Variants in NR6A1 observed in about 807,000 individuals in gnomAD.
The protein encoded by NR6A1 is nuclear receptor subfamily 6 group A member 1.
Under a neutral mutation model 59.1 loss-of-function variants are expected in NR6A1, and 7 were observed. The observed-to-expected ratio is 0.12, with a 90% confidence interval of 0.07 to 0.22. The LOEUF (loss-of-function observed/expected upper bound fraction) is 0.22. Among genes scored for constraint, NR6A1 ranks in the 10% least tolerant of loss-of-function variants. The probability of loss-of-function intolerance (pLI) is 1.00; values close to 1 mark genes in which losing one functional copy is unlikely to be tolerated. For synonymous variants in NR6A1, 243 were observed against 236.1 expected (o/e 1.03, Z -0.27); for missense variants, 468 against 611.6 (o/e 0.77, Z 2.48).
chr9:124,729,264 T>C (rs1292802959), intron 2 of NR6A1, among the ~76,000 whole-genome samples: 9 of 152,230 alleles, frequency 5.9e-5, no homozygotes, highest in Admixed American at 2.6e-4. Flanking sequence ...ATAAGCATCA[T>C]TTACAGTTTG....
At position 124,568,880 on chromosome 9, in the gene NR6A1, G is replaced by A. The variant is rs543231286; in HGVS notation, c.143-14310C>T. Among the ~76,000 whole-genome samples, 59 of 151,960 alleles carry A rather than the reference G, an allele frequency of 3.9e-4. 2 individuals carry two copies. The highest frequency in any genetic ancestry group is 1.2e-3 in the African/African-American group (51 of 41,234). On this transcript the variant is annotated intron_variant, in intron 2 of 9. Coordinates refer to ENST00000487099, the MANE Select transcript of NR6A1 (RefSeq NM_033334.4). ...TGTAATCCCAGCACTTTGGGAGGCC[G>A]AGGCGGGCGGGTCACGAGGTCAGGA...
chr9:124,761,227 C>G (rs1042464361), intron 1 of NR6A1, among the ~76,000 whole-genome samples: 7 of 152,154 alleles, frequency 4.6e-5, no homozygotes, highest in African/African-American at 1.7e-4. Flanking sequence ...GCTGCAATCC[C>G]CACAAAACAC....
intron 2 of NR6A1, among the ~76,000 whole-genome samples, chr9:124,707,115 C>G (rs2131062517): frequency 6.6e-6 from 1 of 151,864 alleles, no homozygotes; most frequent in Non-Finnish European, 1.5e-5. Context: ...TTCTCTCATT[C>G]TTCTCCTCCC....
At chr9:124,551,173 T>C (rs1237643055) in intron 3 of NR6A1, among the ~76,000 whole-genome samples, 1 of 152,150 alleles carries the variant, frequency 6.6e-6, no homozygotes, top group African/African-American at 2.4e-5. Context: ...TTCATTGATA[T>C]TTGGAAGCCA....
chr9:124,662,501 G>A (rs931768663), intron 2 of NR6A1, among the ~76,000 whole-genome samples: 1 of 152,134 alleles, frequency 6.6e-6, no homozygotes, highest in Non-Finnish European at 1.5e-5. Context: ...AAAGTATCTA[G>A]TAAGGTGCCA....
chr9:124,647,956 A>G (rs1564217540), intron 2 of NR6A1, among the ~76,000 whole-genome samples: 1 of 152,158 alleles, frequency 6.6e-6, no homozygotes, highest in Non-Finnish European at 1.5e-5. Flanking sequence ...AACTCATTCT[A>G]AAAGGCCATC....
At chr9:124,664,472 A>G (rs1249315540) in intron 2 of NR6A1, among the ~76,000 whole-genome samples, 3 of 152,186 alleles carry the variant, frequency 2.0e-5, no homozygotes, top group Non-Finnish European at 2.9e-5. Context: ...AAAGCTAAAG[A>G]ACAGACAGCA....
chr9:124,577,029 C>G (rs554300314), intron 2 of NR6A1, among the ~76,000 whole-genome samples: 2 of 152,272 alleles, frequency 1.3e-5, no homozygotes, highest in East Asian at 3.9e-4. Context: ...ACATTCCAGC[C>G]TGGGGAACAG....
intron 2 of NR6A1, among the ~76,000 whole-genome samples, chr9:124,689,903 T>G (rs1177039364): frequency 6.6e-6 from 1 of 152,190 alleles, no homozygotes; most frequent in African/African-American, 2.4e-5. Context: ...ATCAGTTATA[T>G]TTACGTGTAG....
At position 124,539,970 on chromosome 9, in the gene NR6A1, C is replaced by T. The variant is rs567249741; in HGVS notation, c.596+63G>A. ...GCAGGGATACTCAGCCAGAGGTTTTCTGTAGCTCTCCCTTTGGTGGGGGAT... is the reference window on the plus strand; with the variant it reads ...GCAGGGATACTCAGCCAGAGGTTTTTTGTAGCTCTCCCTTTGGTGGGGGAT... On this transcript the variant is annotated intron_variant, in intron 5 of 9. Transcript: ENST00000487099. 14 of 1,528,122 alleles carry T rather than the reference C, an allele frequency of 9.2e-6. No homozygotes were observed. The Admixed American group carries it at 1.8e-4, about 19-fold the overall frequency. The allele number at this position is 1,528,122 out of a possible 1,614,324, so 94.7% of individuals were successfully genotyped here. A position where few individuals can be genotyped will look rare whatever the true frequency, so the allele number is the denominator to read the frequency against.
At chr9:124,573,261 G>A (rs1834495574) in intron 2 of NR6A1, among the ~76,000 whole-genome samples, 1 of 152,134 alleles carries the variant, frequency 6.6e-6, no homozygotes, top group South Asian at 2.1e-4. Flanking sequence ...TCTCCTACAT[G>A]GGTAAAATTT....
chr9:124,715,802 G>A (rs1434982361), intron 2 of NR6A1, among the ~76,000 whole-genome samples: 2 of 152,178 alleles, frequency 1.3e-5, no homozygotes, highest in African/African-American at 4.8e-5. Context: ...TTCAAGATCT[G>A]TTATAAAGTT....
Position 124,521,636 on chromosome 9 carries a change from G to T in NR6A1, c.*1069C>A, listed in dbSNP as rs901055064. The T allele has an allele frequency of 6.6e-6, 1 of 152,226 alleles. No individual in the cohort carries two copies. The highest frequency in any genetic ancestry group is 2.4e-5 in the African/African-American group (1 of 41,432). 9.4% of individuals were successfully genotyped at this position (152,226 alleles called of 1,614,324 possible). ...GGTGCGGTAGGAAGGGGAGGGGAGA[G>T]GAACAGATTTCAAAAGGGGAGTGTC... On this transcript the variant is annotated 3_prime_UTR_variant, in exon 10 of 10. Transcript: ENST00000487099.
At chr9:124,536,211 A>C in intron 6 of NR6A1, 79 bp from the exon 7 acceptor site, 1 of 1,483,632 alleles carries the variant, frequency 6.7e-7, no homozygotes, top group Non-Finnish European at 9.1e-7. Flanking sequence ...GGTAGTCCCA[A>C]GGGCACAAAG....
intron 2 of NR6A1, among the ~76,000 whole-genome samples, chr9:124,724,699 T>A (rs769843520): frequency 4.3e-4 from 65 of 152,362 alleles, no homozygotes; most frequent in South Asian, 1.7e-3. Flanking sequence ...ACAGTATTTC[T>A]GAAATAGATA....
chr9:124,759,994 C>A (rs1420025858), intron 1 of NR6A1, among the ~76,000 whole-genome samples: 1 of 150,866 alleles, frequency 6.6e-6, no homozygotes, highest in South Asian at 2.1e-4. Flanking sequence ...GAGCCAAGAT[C>A]GCACCACTGC....
intron 2 of NR6A1, among the ~76,000 whole-genome samples, chr9:124,658,129 T>C (rs1304598002): frequency 6.6e-6 from 1 of 152,192 alleles, no homozygotes; most frequent in Non-Finnish European, 1.5e-5. Context: ...GAAAGACTAG[T>C]ATTTCTTCTG....
chr9:124,711,187 TAAAAAAAAAAAAAAAA>T (rs58609931), intron 2 of NR6A1, among the ~76,000 whole-genome samples: 3 of 66,494 alleles, frequency 4.5e-5, no homozygotes, highest in Non-Finnish European at 8.6e-5. Context: ...AGCTAAGGTT[TAAAAAAAAAAAAAAAA>T]AAAAAAAAAA....
rs577437866 is a variant in NR6A1 at position 124,735,757 on chromosome 9, A to G, written c.101-2408T>C. On this transcript the variant is annotated intron_variant, in intron 1 of 9. Transcript: ENST00000487099. Reference sequence around the variant, plus strand: ...TAAAATATCATAAAGTAAGTCTCACAGTTCTGGAGCCGTGAAGTCCAAGAT... The same window carrying G: ...TAAAATATCATAAAGTAAGTCTCACGGTTCTGGAGCCGTGAAGTCCAAGAT... Among the ~76,000 whole-genome samples the G allele has an allele frequency of 6.0e-4, 91 of 152,344 alleles. 1 individual carries two copies. In the South Asian group the frequency reaches 0.018, roughly 30 times the overall value.
Sources: allele counts gnomAD v4.1 joint callset (sites outside exome capture counted in the v4.1 genomes callset), GRCh38; gene constraint gnomAD v4.1.1; transcripts MANE v1.5; gene names NCBI Gene and HGNC (gene_info 2026-07-23, HGNC 2026-07-21).